SLC1A6: variants seen among roughly 807,000 people sequenced by gnomAD.
SLC1A6 encodes the protein excitatory amino acid transporter 4.
A neutral mutation model predicts 42.1 loss-of-function variants in SLC1A6; 15 were observed. That is an observed-to-expected ratio of 0.36 (90% CI 0.24 to 0.55). SLC1A6 has a LOEUF of 0.55. Ranked by LOEUF, SLC1A6 falls within the 20% of genes least tolerant of loss-of-function variation. The pLI, the probability that SLC1A6 is intolerant of heterozygous loss-of-function variation, is 0.88. For missense variants in SLC1A6, 542 were observed against 772.5 expected (o/e 0.70, Z 3.54); for synonymous variants, 317 against 319.7 (o/e 0.99, Z 0.09).
intron 9 of SLC1A6, among the ~76,000 whole-genome samples, chr19:14,952,528 G>A (rs1490912174): frequency 1.3e-5 from 2 of 151,476 alleles, no homozygotes; most frequent in African/African-American, 2.4e-5. Context: ...AGGTTCAAGC[G>A]ATTCTCCCAC....
At chr19:15,010,196 AAG>A (rs1491060470) in intron 1 of SLC1A6, among the ~76,000 whole-genome samples, 10 of 72,984 alleles carry the variant, frequency 1.4e-4, no homozygotes, top group African/African-American at 5.2e-4. Context: ...AAAAAAAAAA[AAG>A]AAAGAAAGAA....
chr19:14,969,293 C>T (rs973628395), intron 3 of SLC1A6, among the ~76,000 whole-genome samples: 9 of 152,334 alleles, frequency 5.9e-5, no homozygotes, highest in Middle Eastern at 3.4e-3. Context: ...CCTTCAGCCC[C>T]GAGAGCACTG....
At chr19:14,975,875 G>A (rs1282004217) in intron 1 of SLC1A6, among the ~76,000 whole-genome samples, 3 of 52,102 alleles carry the variant, frequency 5.8e-5, no homozygotes, top group Admixed American at 3.9e-4. Flanking sequence ...GGAAGGAAAG[G>A]GAAGGGAAGG....
chr19:14,981,944 C>T (rs1433923754), upstream of SLC1A6, among the ~76,000 whole-genome samples: 2 of 151,962 alleles, frequency 1.3e-5, no homozygotes, highest in Non-Finnish European at 2.9e-5. Context: ...AGGAGGACCG[C>T]TTGAGTCCAA....
chr19:15,010,110 C>T (rs1278023922), intron 1 of SLC1A6, among the ~76,000 whole-genome samples: 3 of 149,608 alleles, frequency 2.0e-5, no homozygotes, highest in South Asian at 2.1e-4. Context: ...CTCTTGAACC[C>T]GAGAGGTGAA....
intron 6 of SLC1A6, among the ~76,000 whole-genome samples, chr19:14,960,310 G>A (rs953486828): frequency 1.3e-5 from 2 of 152,312 alleles, no homozygotes; most frequent in African/African-American, 4.8e-5. Flanking sequence ...GAATTAGAAT[G>A]AATAAATGAC....
At chr19:14,960,954 G>T (rs2045505255) in intron 6 of SLC1A6, among the ~76,000 whole-genome samples, 1 of 144,174 alleles carries the variant, frequency 6.9e-6, no homozygotes, top group Non-Finnish European at 1.5e-5. Context: ...TTGAGACTGG[G>T]TCTCATTCTG....
intron 9 of SLC1A6, among the ~76,000 whole-genome samples, chr19:14,951,976 C>T (rs1401100500): frequency 1.0e-5 from 1 of 97,712 alleles, no homozygotes; most frequent in East Asian, 3.1e-4. Context: ...CCACACCCAG[C>T]TAATTTTTGT....
At chr19:14,950,413 TG>T (rs758352866) in intron 9 of SLC1A6, 23 bp from the exon 10 acceptor site, 1 of 1,497,624 alleles carries the variant, frequency 6.7e-7, no homozygotes, top group Non-Finnish European at 9.0e-7. Context: ...AGAAAGAAGC[TG>T]CCATTAATGG....
chr19:14,997,042 G>A (rs982810555), intron 1 of SLC1A6, among the ~76,000 whole-genome samples: 6 of 152,110 alleles, frequency 3.9e-5, no homozygotes, highest in African/African-American at 1.4e-4. Context: ...ACATGCCTCC[G>A]ATTCTATTCC....
At chr19:15,005,259 CA>C (rs59367163) in intron 1 of SLC1A6, among the ~76,000 whole-genome samples, 2,274 of 91,046 alleles carry the variant, frequency 0.025, 18 homozygotes, top group Non-Finnish European at 0.036. Flanking sequence ...GACCCTGTCT[CA>C]AAAAAAAAAA....
chr19:14,962,466 A>C lies in SLC1A6; in HGVS notation c.592-121T>G, dbSNP rs541877096. 16 of 673,758 alleles carry C rather than the reference A, an allele frequency of 2.4e-5. No individual in the cohort carries two copies. In the East Asian group the frequency reaches 4.1e-4, roughly 17 times the overall value. 41.7% of individuals were successfully genotyped at this position (673,758 alleles called of 1,614,324 possible). On this transcript the variant is annotated intron_variant, in intron 5 of 9. Coordinates refer to ENST00000594383, the MANE Select transcript of SLC1A6 (RefSeq NM_005071.3). ...ACCCTGGAAGATCGATAAGATCTTC[A>C]TTATCGATTATCACTCATTATCGAC...
At chr19:14,994,970 A>G (rs1311587704) in intron 1 of SLC1A6, among the ~76,000 whole-genome samples, 10 of 152,196 alleles carry the variant, frequency 6.6e-5, no homozygotes, top group Admixed American at 2.0e-4. Flanking sequence ...AGATACAGAA[A>G]GACAAACACT....
chr19:14,990,498 A>C (rs2045814062), intron 1 of SLC1A6, among the ~76,000 whole-genome samples: 1 of 152,188 alleles, frequency 6.6e-6, no homozygotes, highest in Non-Finnish European at 1.5e-5. Context: ...GGCTGGGTGC[A>C]GTGGCTCATG....
intron 1 of SLC1A6, among the ~76,000 whole-genome samples, chr19:15,007,070 T>A (rs1364036679): frequency 1.3e-5 from 2 of 152,128 alleles, no homozygotes; most frequent in African/African-American, 2.4e-5. Flanking sequence ...TGCTCGGTAG[T>A]GGAATACAAT....
At chr19:14,954,368 CTG>C (rs1568283847) in intron 7 of SLC1A6, 39 bp from the exon 8 acceptor site, 2 of 1,580,312 alleles carry the variant, frequency 1.3e-6, no homozygotes, top group Non-Finnish European at 8.6e-7. Context: ...GGGGCGTGGC[CTG>C]GTGGGGGCGG....
Position 14,950,112 on chromosome 19 carries a change from T to A in SLC1A6, c.*83A>T, listed in dbSNP as rs2045396315. ...AGCAGAACGTGTGTTCAGCCCACGG[T>A]CAGTTGGGCAACAGATGTGTCACCA... On this transcript the variant is annotated 3_prime_UTR_variant, in exon 10 of 10. Coordinates refer to ENST00000594383, the MANE Select transcript of SLC1A6 (RefSeq NM_005071.3). The A allele has an allele frequency of 4.0e-6, 4 of 1,007,872 alleles. No individual in the cohort carries two copies. In the South Asian group the frequency reaches 7.9e-5, roughly 20 times the overall value. 62.4% of individuals were successfully genotyped at this position (1,007,872 alleles called of 1,614,324 possible).
At chr19:15,004,908 A>G (rs12981198) in intron 1 of SLC1A6, among the ~76,000 whole-genome samples, 1 of 152,112 alleles carries the variant, frequency 6.6e-6, no homozygotes, top group East Asian at 1.9e-4. Flanking sequence ...CTGTTCAGAC[A>G]CACGCAGGTG....
chr19:15,000,960 C>G (rs777483157), intron 1 of SLC1A6, among the ~76,000 whole-genome samples: 4 of 152,206 alleles, frequency 2.6e-5, no homozygotes, highest in Non-Finnish European at 5.9e-5. Flanking sequence ...TTCAACAGTT[C>G]TTCTTCCCAC....
Sources: gnomAD v4.1 joint callset for allele counts (sites outside exome capture counted in the v4.1 genomes callset) on GRCh38, gnomAD v4.1.1 for gene constraint, MANE v1.5 for transcripts, NCBI Gene and HGNC (gene_info 2026-07-23, HGNC 2026-07-21) for gene names.